The following SAMD7 variants were observed in gnomAD, a reference collection of about 807,000 sequenced individuals.
SAMD7 encodes sterile alpha motif domain containing 7.
In SAMD7, 34 loss-of-function variants were observed where a neutral mutation model predicts 36.7. The ratio of observed to expected loss-of-function variants is 0.93; its 90% CI spans 0.71 to 1.23. The LOEUF is 1.23. Among genes scored for constraint, SAMD7 ranks in the 50% most tolerant of loss-of-function variants. The pLI, the probability that SAMD7 is intolerant of heterozygous loss-of-function variation, is 0.00. For synonymous variants in SAMD7, 188 were observed against 189.7 expected (o/e 0.99, Z 0.07); for missense variants, 570 against 546.6 (o/e 1.04, Z -0.43).
intron 7 of SAMD7, chr3:169,933,187 G>A (rs1291916261): frequency 8.4e-6 from 6 of 710,514 alleles, no homozygotes; most frequent in Non-Finnish European, 1.6e-5. Context: ...GACCAGTTTG[G>A]GATGGACACT....
At position 169,915,385 on chromosome 3, in the gene SAMD7, C is replaced by T. The variant is rs1289049716; in HGVS notation, c.-98C>T. On this transcript the variant is annotated 5_prime_UTR_variant, in exon 2 of 9. Coordinates refer to ENST00000335556, the MANE Select transcript of SAMD7 (RefSeq NM_001304366.2). The stretch of plus-strand genomic sequence containing the variant: ...GTCTTAGGGCCTCCTTTGGGGATTC[C>T]AAAGTAAGACAATCTCATCTCCTTT... 6.6e-6 allele frequency: 1 copy of T among 152,000 alleles called. No homozygotes were observed. The highest frequency in any genetic ancestry group is 2.4e-5 in the African/African-American group (1 of 41,366). The allele number at this position is 152,000 out of a possible 1,614,324, so 9.4% of individuals were successfully genotyped here.
intron 6 of SAMD7, among the ~76,000 whole-genome samples, chr3:169,927,430 G>A (rs1305380324): frequency 6.6e-6 from 1 of 151,548 alleles, no homozygotes; most frequent in South Asian, 2.1e-4. Flanking sequence ...GAGTAGCTGG[G>A]ACTACAGGAG....
chr3:169,913,970 A>G (rs1045785001), intron 1 of SAMD7, among the ~76,000 whole-genome samples: 7 of 152,214 alleles, frequency 4.6e-5, no homozygotes, highest in African/African-American at 1.7e-4. Flanking sequence ...TTGCTTCAAA[A>G]TGTAATTTTG....
intron 4 of SAMD7, among the ~76,000 whole-genome samples, chr3:169,924,726 C>T (rs759396354): frequency 2.0e-5 from 3 of 152,102 alleles, no homozygotes; most frequent in Non-Finnish European, 4.4e-5. Context: ...CCAAAAAATA[C>T]GTATACTTTT....
intron 5 of SAMD7, chr3:169,926,122 G>A: frequency 2.0e-6 from 1 of 489,598 alleles, no homozygotes; most frequent in Non-Finnish European, 3.6e-6. Context: ...CTTTTCCTCT[G>A]CTCTTCCCCA....
intron 1 of SAMD7, among the ~76,000 whole-genome samples, chr3:169,913,577 G>A (rs1712687364): frequency 6.6e-6 from 1 of 152,180 alleles, no homozygotes; most frequent in South Asian, 2.1e-4. Context: ...AATGTGCTGG[G>A]CATCCAGGAT....
At chr3:169,932,777 G>T in intron 7 of SAMD7, 1 of 533,748 alleles carries the variant, frequency 1.9e-6, no homozygotes, top group South Asian at 1.6e-5. Flanking sequence ...GCGCTACTGT[G>T]AGGCTGTGAA....
chr3:169,916,286 C>A (rs1188778506), intron 2 of SAMD7, among the ~76,000 whole-genome samples: 4 of 152,134 alleles, frequency 2.6e-5, no homozygotes, highest in Non-Finnish European at 4.4e-5. Context: ...AAGTGGAGAA[C>A]TGTTGTCCAA....
intron 5 of SAMD7, 66 bp downstream of exon 5, chr3:169,925,202 C>A: frequency 3.1e-6 from 3 of 982,140 alleles, no homozygotes; most frequent in African/African-American, 3.3e-5. Context: ...CACTTGTTAT[C>A]TTCATATAAC....
rs1049271329 is a variant in SAMD7, at chr3:169,922,276, G to C, written c.211+938G>C. Among the ~76,000 whole-genome samples the C allele has an allele frequency of 1.1e-4, 17 of 152,284 alleles. No individual in the cohort carries two copies. In the South Asian group the frequency reaches 3.5e-3, roughly 32 times the overall value. On this transcript the variant is annotated intron_variant, in intron 4 of 8. Coordinates refer to ENST00000335556, the MANE Select transcript of SAMD7 (RefSeq NM_001304366.2). ...GGCTAGATAAGATCACCTATGGAGA[G>C]AGTGCAGATAGAAGAGGTAAAAGGA... is the stretch of plus-strand genomic sequence containing the variant.
intron 7 of SAMD7, among the ~76,000 whole-genome samples, chr3:169,936,053 A>G (rs942706296): frequency 1.3e-5 from 2 of 152,184 alleles, no homozygotes; most frequent in African/African-American, 4.8e-5. Context: ...TATTAGGGGT[A>G]CATTGGTCAA....
chr3:169,936,036 G>A (rs1225136546), intron 7 of SAMD7, among the ~76,000 whole-genome samples: 7 of 152,156 alleles, frequency 4.6e-5, no homozygotes, highest in Non-Finnish European at 5.9e-5. Flanking sequence ...CCATATGCCA[G>A]CCTCTGTATT....
intron 8 of SAMD7, among the ~76,000 whole-genome samples, chr3:169,937,190 C>A (rs1049704110): frequency 2.0e-5 from 3 of 152,158 alleles, no homozygotes; most frequent in Non-Finnish European, 4.4e-5. Context: ...ACTACCTCCA[C>A]CACTCCATCC....
At chr3:169,925,021 T>G in intron 4 of SAMD7, 37 bp from the exon 5 acceptor site, 3 of 1,254,966 alleles carry the variant, frequency 2.4e-6, no homozygotes, top group Non-Finnish European at 3.4e-6. Flanking sequence ...TGTTTTTAAT[T>G]TATTTGTGGG....
intron 3 of SAMD7, 28 bp from the exon 4 acceptor site, chr3:169,921,186 A>G: frequency 6.2e-7 from 1 of 1,608,672 alleles, no homozygotes; most frequent in Non-Finnish European, 8.5e-7. Context: ...CATTTTACCT[A>G]TTTTATTTTA....
chr3:169,928,285 G>A (rs577762540), intron 6 of SAMD7, among the ~76,000 whole-genome samples, 172 bp from the exon 7 acceptor site: 23 of 152,314 alleles, frequency 1.5e-4, no homozygotes, highest in Admixed American at 1.3e-3. Context: ...TTCAGAGAAA[G>A]AAAAGAAAGG....
chr3:169,935,423 G>A (rs969288358), intron 7 of SAMD7, among the ~76,000 whole-genome samples: 2 of 152,218 alleles, frequency 1.3e-5, no homozygotes, highest in African/African-American at 4.8e-5. Flanking sequence ...TATCGTGACA[G>A]TGGGAGAAAA....
At chr3:169,928,176 G>C (rs1226093322) in intron 6 of SAMD7, among the ~76,000 whole-genome samples, 1 of 152,146 alleles carries the variant, frequency 6.6e-6, no homozygotes, top group Non-Finnish European at 1.5e-5. Flanking sequence ...CATTAATCTG[G>C]AGAATAGAAT....
At chr3:169,917,940 CTGTT>C (rs1712880454) in intron 2 of SAMD7, among the ~76,000 whole-genome samples, 1 of 148,478 alleles carries the variant, frequency 6.7e-6, no homozygotes. Context: ...TGCACCCGGC[CTGTT>C]TGTTTATTTT....
Sources: allele counts gnomAD v4.1 joint callset (sites outside exome capture counted in the v4.1 genomes callset), GRCh38; gene constraint gnomAD v4.1.1; transcripts MANE v1.5; gene names NCBI Gene and HGNC (gene_info 2026-07-23, HGNC 2026-07-21).